The following CNTN6 variants were observed in gnomAD, a reference collection of about 807,000 sequenced individuals.
CNTN6 encodes the protein contactin 6.
CNTN6 carries 137 observed loss-of-function variants against 122.8 expected under a neutral mutation model. The observed-to-expected ratio is 1.12, with a 90% CI of 0.97 to 1.29. The LOEUF is 1.29. Among genes scored for constraint, CNTN6 ranks in the 50% most tolerant of loss-of-function variants. The pLI, the probability that CNTN6 is intolerant of heterozygous loss-of-function variation, is 0.00. For missense variants in CNTN6, 1,634 were observed against 1,223.4 expected (o/e 1.34, Z -5.01); for synonymous variants, 570 against 426.0 (o/e 1.34, Z -4.16).
chr3:1,382,561 T>C (rs148980559), intron 17 of CNTN6, among the ~76,000 whole-genome samples: 18 of 152,272 alleles, frequency 1.2e-4, no homozygotes, highest in African/African-American at 3.9e-4. Flanking sequence ...GGAAAACATA[T>C]CTAGTCTTGA....
intron 4 of CNTN6, among the ~76,000 whole-genome samples, chr3:1,231,964 G>A (rs1473701447): frequency 6.6e-6 from 1 of 152,146 alleles, no homozygotes; most frequent in Non-Finnish European, 1.5e-5. Flanking sequence ...GGTGGTAAAG[G>A]TTGAACTTAG....
At chr3:1,130,595 A>T (rs2092311052) in intron 1 of CNTN6, among the ~76,000 whole-genome samples, 1 of 152,274 alleles carries the variant, frequency 6.6e-6, no homozygotes, top group African/African-American at 2.4e-5. Context: ...AAATGGCTTG[A>T]TAACAAACCT....
chr3:1,228,535 G>A (rs903425659), intron 4 of CNTN6, among the ~76,000 whole-genome samples: 3 of 152,160 alleles, frequency 2.0e-5, no homozygotes, highest in Non-Finnish European at 4.4e-5. Flanking sequence ...GACATTTGGG[G>A]ACATTAGCAG....
At chr3:1,168,902 A>G (rs1299077263) in intron 2 of CNTN6, among the ~76,000 whole-genome samples, 2 of 152,218 alleles carry the variant, frequency 1.3e-5, no homozygotes, top group Admixed American at 1.3e-4. Flanking sequence ...CAAGTTTTGA[A>G]AACTGTTTTA....
intron 9 of CNTN6, 128 bp downstream of exon 9, chr3:1,326,079 A>G: frequency 1.4e-6 from 1 of 717,740 alleles, no homozygotes; most frequent in South Asian, 2.4e-5. Flanking sequence ...GAAAGGATGC[A>G]TACACTGATT....
Position 1,234,584 on chromosome 3 carries a change from T to C in CNTN6, c.358+6591T>C, listed in dbSNP as rs185735907. On this transcript the variant is annotated intron_variant, in intron 4 of 22. Coordinates refer to ENST00000446702, the MANE Select transcript of CNTN6 (RefSeq NM_001289080.2). ...AAGCTTTAAAAATAACACTTAAAAA[T>C]GCTTTTGGAAATTGTAAAGTCTCCG... Among the ~76,000 whole-genome samples the C allele has an allele frequency of 2.5e-3, 388 of 152,306 alleles. 1 individual carries two copies. Among genetic ancestry groups the C allele is most frequent in the African/African-American group, 8.6e-3 (356 of 41,570 alleles).
intron 2 of CNTN6, among the ~76,000 whole-genome samples, chr3:1,177,587 T>C (rs1201822359): frequency 6.6e-6 from 1 of 152,124 alleles, no homozygotes; most frequent in African/African-American, 2.4e-5. Flanking sequence ...GACAATGTAA[T>C]CTCTGAATTT....
chr3:1,285,604 C>A (rs3899850), intron 5 of CNTN6, among the ~76,000 whole-genome samples: 129,977 of 152,222 alleles, frequency 0.85, 55,657 homozygotes, highest in East Asian at 0.97. Context: ...TAACATTTTC[C>A]GGGAAGATAT....
chr3:1,197,424 A>G (rs1195602358), intron 2 of CNTN6, among the ~76,000 whole-genome samples: 1 of 152,208 alleles, frequency 6.6e-6, no homozygotes. Context: ...CAGGGGTGCC[A>G]TTGTTTAAAT....
chr3:1,241,106 C>T (rs2094477202), intron 4 of CNTN6, among the ~76,000 whole-genome samples: 2 of 151,996 alleles, frequency 1.3e-5, no homozygotes, highest in African/African-American at 4.8e-5. Flanking sequence ...GAACAAATCA[C>T]AATGGTGGAA....
chr3:1,386,863 A>T (rs146883055), intron 20 of CNTN6, among the ~76,000 whole-genome samples: 58 of 152,244 alleles, frequency 3.8e-4, no homozygotes, highest in African/African-American at 1.3e-3. Flanking sequence ...GGTTAAGAAG[A>T]GTTTGAAAAT....
At chr3:1,375,667 C>T (rs1036151800) in intron 16 of CNTN6, among the ~76,000 whole-genome samples, 3 of 152,054 alleles carry the variant, frequency 2.0e-5, no homozygotes, top group African/African-American at 7.2e-5. Context: ...CTGTAAAATC[C>T]ACTCTGATTC....
chr3:1,261,874 A>G (rs1559641669), intron 4 of CNTN6, among the ~76,000 whole-genome samples: 1 of 152,212 alleles, frequency 6.6e-6, no homozygotes, highest in African/African-American at 2.4e-5. Context: ...GTAAAAGTTC[A>G]GAGATAGCAG....
chr3:1,345,373 C>G (rs61456930), intron 11 of CNTN6, among the ~76,000 whole-genome samples: 22,360 of 152,014 alleles, frequency 0.15, 1,872 homozygotes, highest in African/African-American at 0.22. Flanking sequence ...ACCCTGGCCT[C>G]CCAGTGTGCT....
intron 17 of CNTN6, among the ~76,000 whole-genome samples, chr3:1,382,452 T>C (rs1372266267): frequency 6.6e-6 from 1 of 152,230 alleles, no homozygotes; most frequent in Non-Finnish European, 1.5e-5. Context: ...AGGTCTTTTA[T>C]ACTTTTTTAA....
At chr3:1,131,021 C>T (rs1303564071) in intron 1 of CNTN6, among the ~76,000 whole-genome samples, 1 of 152,122 alleles carries the variant, frequency 6.6e-6, no homozygotes, top group East Asian at 1.9e-4. Context: ...CTCTTTCTCA[C>T]AGCTATCAGG....
At chr3:1,287,326 C>T (rs932890759) in intron 5 of CNTN6, among the ~76,000 whole-genome samples, 1 of 152,142 alleles carries the variant, frequency 6.6e-6, no homozygotes, top group Admixed American at 6.5e-5. Context: ...ATCGCACTGC[C>T]TCCTCCAATT....
chr3:1,266,745 C>T (rs1182417397), intron 4 of CNTN6, among the ~76,000 whole-genome samples: 1 of 152,140 alleles, frequency 6.6e-6, no homozygotes, highest in African/African-American at 2.4e-5. Context: ...AATCACTCTC[C>T]TTTACTCTAA....
At chr3:1,374,944 C>G (rs892777128) in intron 16 of CNTN6, among the ~76,000 whole-genome samples, 1 of 152,032 alleles carries the variant, frequency 6.6e-6, no homozygotes, top group Admixed American at 6.6e-5. Context: ...AAGCTTACAG[C>G]TGAGAGGAAA....
Sources: allele counts gnomAD v4.1 joint callset (sites outside exome capture counted in the v4.1 genomes callset), GRCh38; gene constraint gnomAD v4.1.1; transcripts MANE v1.5; gene names NCBI Gene and HGNC (gene_info 2026-07-23, HGNC 2026-07-21).